Variants in ITGAE observed in about 807,000 individuals in gnomAD.
ITGAE encodes the protein integrin subunit alpha E, also known as integrin alpha-E.
In ITGAE, 99 loss-of-function variants were observed where a neutral mutation model predicts 136.5. That is an observed-to-expected ratio of 0.73 (90% CI 0.62 to 0.86). The LOEUF is 0.86. ITGAE is among the 40% of genes least tolerant of loss of function. The probability of loss-of-function intolerance (pLI) is 0.00; values close to 1 mark genes in which losing one functional copy is unlikely to be tolerated. For missense variants in ITGAE, 1,447 were observed against 1,515.3 expected, an observed-to-expected ratio of 0.95 and a Z score of 0.75; for synonymous variants, 613 against 591.8, an observed-to-expected ratio of 1.04 and a Z score of -0.52.
intron 1 of ITGAE, among the ~76,000 whole-genome samples, chr17:3,800,418 G>A (rs866262855): frequency 3.3e-5 from 5 of 152,290 alleles, no homozygotes; most frequent in South Asian, 4.1e-4. Context: ...CCTGGCCTCC[G>A]GCTTAATCTT....
At position 3,777,555 on chromosome 17, in the gene ITGAE, C is replaced by T; in HGVS notation, c.140G>A (p.Ser47Asn). The T allele has an allele frequency of 1.2e-6, 2 of 1,613,602 alleles. No homozygotes were observed. The highest frequency in any genetic ancestry group is 1.7e-6 in the Non-Finnish European group (2 of 1,179,680). The change falls in exon 2 of 31, where the codon AGC (serine) becomes AAC (asparagine). Residue 47 changes from serine (S) to asparagine (N), a missense_variant. This residue lies in a region of ITGAE where 106 missense variants were observed against 87.8 expected (regional missense o/e 1.21). Coordinates refer to ENST00000263087, the MANE Select transcript of ITGAE (RefSeq NM_002208.5). ...CCCTACTCACCAGGTCTGGTTGGTG[C>T]TGGGGTCTTGGTGCAGAAGGGAGCT... is the stretch of plus-strand genomic sequence containing the variant. The part of the protein sequence containing the change: ...VLSSLLHQDP[S>N]TNQTWLLVTS...
chr17:3,725,853 G>A (rs2051197503), intron 26 of ITGAE: 2 of 1,611,552 alleles, frequency 1.2e-6, no homozygotes, highest in South Asian at 2.2e-5. Flanking sequence ...CGCAGTGGCA[G>A]AGGCATCACT....
intron 26 of ITGAE, chr17:3,724,968 G>A (rs1567512597): frequency 6.2e-7 from 1 of 1,614,126 alleles, no homozygotes; most frequent in Admixed American, 1.7e-5. Context: ...ACATCAGGAG[G>A]CAACGGAAAC....
chr17:3,748,187 C>A, intron 16 of ITGAE, 135 bp from the exon 17 acceptor site: 1 of 849,800 alleles, frequency 1.2e-6, no homozygotes, highest in Non-Finnish European at 1.7e-6. Context: ...TCTCAGGGTA[C>A]AGTGGGGAAA....
chr17:3,760,144 G>A (rs1252494569), intron 7 of ITGAE, 28 bp downstream of exon 7: 2 of 1,295,230 alleles, frequency 1.5e-6, no homozygotes, highest in Admixed American at 1.7e-5. Context: ...CAATAGATAA[G>A]TGTTAACCAG....
intron 1 of ITGAE, among the ~76,000 whole-genome samples, chr17:3,777,942 C>T (rs1420454044): frequency 6.6e-6 from 1 of 152,194 alleles, no homozygotes; most frequent in Non-Finnish European, 1.5e-5. Context: ...ACGCCTCTTA[C>T]TGTCATTTCT....
chr17:3,732,604 G>A, intron 21 of ITGAE, 138 bp from the exon 22 acceptor site: 1 of 687,644 alleles, frequency 1.5e-6, no homozygotes, highest in Non-Finnish European at 2.6e-6. Flanking sequence ...AAGAAATAAA[G>A]TCCACTTGGT....
Position 3,751,751 on chromosome 17 carries a change from C to T in ITGAE, c.1792G>A (p.Gly598Arg), listed in dbSNP as rs201934191. 1.3e-4 allele frequency: 215 copies of T among 1,613,944 alleles called. No individual in the cohort carries two copies. The highest frequency in any genetic ancestry group is 1.6e-4 in the Non-Finnish European group (192 of 1,179,978). ...GCCCCAAAACCTTCCAGGGGGGCCC[C>T]GATGGCCACATCTGTGAGCTTATCC... is the stretch of plus-strand genomic sequence containing the variant. ...SQDKLTDVAI[G>R]APLEGFGADD... The change falls in exon 15 of 31, where the codon GGG becomes AGG. Residue 598 changes from glycine (G) to arginine (R), a missense_variant. Transcript: ENST00000263087.
At chr17:3,728,247 A>G in intron 24 of ITGAE, 79 bp from the exon 25 acceptor site, 8 of 1,084,314 alleles carry the variant, frequency 7.4e-6, no homozygotes, top group Non-Finnish European at 1.0e-5. Context: ...TCTGTTGCCC[A>G]GGCTAGAGCA....
At chr17:3,782,340 AGTGTGTGTGTGT>A (rs151134975) in intron 1 of ITGAE, among the ~76,000 whole-genome samples, 53 of 109,618 alleles carry the variant, frequency 4.8e-4, no homozygotes, top group South Asian at 2.2e-3. Flanking sequence ...TTAAATCTCT[AGTGTGTGTGTGT>A]GTGTGTGTGT....
intron 1 of ITGAE, 31 bp from the exon 2 acceptor site, chr17:3,777,691 G>A: frequency 1.3e-6 from 2 of 1,585,736 alleles, no homozygotes; most frequent in African/African-American, 1.4e-5. Flanking sequence ...TTTAATGAAA[G>A]AGGCCTTTTA....
At chr17:3,728,927 T>C (rs1597306259) in intron 24 of ITGAE, among the ~76,000 whole-genome samples, 1 of 151,828 alleles carries the variant, frequency 6.6e-6, no homozygotes, top group East Asian at 2.0e-4. Context: ...TCTCAACTAC[T>C]CGGGAGGCTG....
chr17:3,726,945 G>A (rs1244622771), intron 26 of ITGAE, among the ~76,000 whole-genome samples: 6 of 151,934 alleles, frequency 3.9e-5, no homozygotes, highest in African/African-American at 1.5e-4. Flanking sequence ...GGCCAGGCTG[G>A]TCTCGAACTC....
intron 1 of ITGAE, among the ~76,000 whole-genome samples, chr17:3,786,189 A>G (rs1392718224): frequency 6.6e-6 from 1 of 150,852 alleles, no homozygotes; most frequent in Non-Finnish European, 1.5e-5. Context: ...AAAAAAAAGT[A>G]AGAGGATGTT....
chr17:3,755,144 C>G lies in ITGAE; in HGVS notation c.1357G>C (p.Ala453Pro), dbSNP rs746221599. 47 of 1,587,244 alleles carry G rather than the reference C, an allele frequency of 3.0e-5. 1 individual carries two copies. Among genetic ancestry groups the G allele is most frequent in the Middle Eastern group, 1.7e-4 (1 of 6,058 alleles). ...LNQTAAAAAD[A>P]EAAQYSYLGY... ...AGGTAGCTGTACTGCGCAGCCTCCG[C>G]GTCTGCCGCCGCCGCCGCTGTCTGG... The change falls in exon 12 of 31, where the codon GCG (alanine) becomes CCG (proline). Residue 453 changes from alanine (A) to proline (P), a missense_variant. Ala to Pro is a conservative substitution (Grantham distance 27). This residue lies in a region of ITGAE where 1,031 missense variants were observed against 1,011.4 expected (regional missense o/e 1.02). Transcript: ENST00000263087.
At chr17:3,766,715 T>A (rs540331807) in intron 2 of ITGAE, among the ~76,000 whole-genome samples, 1 of 151,776 alleles carries the variant, frequency 6.6e-6, no homozygotes, top group African/African-American at 2.4e-5. Context: ...GGCAGGAGAA[T>A]CACTTGAACC....
rs148756424 is a variant in ITGAE, at chr17:3,752,480, G to A, written c.1669-606C>T. The stretch of plus-strand genomic sequence containing the variant: ...AGCTGTAAGAGATGTTATCAGCTGG[G>A]CGCGGTGACTCACGCCCATAATCTC... On this transcript the variant is annotated intron_variant, in intron 14 of 30. Transcript: ENST00000263087. Among the ~76,000 whole-genome samples the A allele has an allele frequency of 7.7e-3, 1,166 of 152,338 alleles. 17 individuals carry two copies. Among genetic ancestry groups the A allele is most frequent in the Middle Eastern group, 0.01 (3 of 294 alleles).
rs990063655 is a variant in ITGAE, at chr17:3,734,654, G to A, written c.2655+163C>T. On this transcript the variant is annotated intron_variant, in intron 21 of 30. Transcript: ENST00000263087. ...CAGAATATGGTGCCTCGGGAGGCAT[G>A]GAGCCGGACTGGCGGGGATTTATCT... Among the ~76,000 whole-genome samples, 6 of 152,208 alleles carry A rather than the reference G, an allele frequency of 3.9e-5. No individual in the cohort carries two copies. The South Asian group carries it at 1.2e-3, about 32-fold the overall frequency.
In ITGAE at chr17:3,732,579, C is replaced by A. The variant is rs989307494; in HGVS notation, c.2656-113G>T. 3 of 831,238 alleles carry A rather than the reference C, an allele frequency of 3.6e-6. No individual in the cohort carries two copies. In the African/African-American group the frequency reaches 5.0e-5, roughly 14 times the overall value. The allele number at this position is 831,238 out of a possible 1,614,324, so 51.5% of individuals were successfully genotyped here. On this transcript the variant is annotated intron_variant, in intron 21 of 30. Coordinates refer to ENST00000263087, the MANE Select transcript of ITGAE (RefSeq NM_002208.5). Reference sequence around the variant, plus strand: ...CACTAATTTTTCTGCCTGTCAGACACCCTGCCAGGAGCTAAAGAAATAAAG... The same window carrying A: ...CACTAATTTTTCTGCCTGTCAGACAACCTGCCAGGAGCTAAAGAAATAAAG...
Sources: allele counts gnomAD v4.1 joint callset (sites outside exome capture counted in the v4.1 genomes callset), GRCh38; gene constraint gnomAD v4.1.1; regional missense constraint gnomAD v4.1.1; transcripts MANE v1.5; gene names NCBI Gene and HGNC (gene_info 2026-07-23, HGNC 2026-07-21).